The following TTLL9 variants were observed in gnomAD, a reference collection of about 807,000 sequenced individuals.
TTLL9 encodes tubulin tyrosine ligase like 9.
Under a neutral mutation model 65.6 loss-of-function variants are expected in TTLL9, and 47 were observed. The observed-to-expected ratio is 0.72, with a 90% CI of 0.57 to 0.91. TTLL9 has a LOEUF of 0.91. TTLL9 is among the 40% of genes least tolerant of loss of function. TTLL9 has a pLI of 0.00. For missense variants in TTLL9, 537 were observed against 568.8 expected, an observed-to-expected ratio of 0.94 and a Z score of 0.57; for synonymous variants, 179 against 204.8, an observed-to-expected ratio of 0.87 and a Z score of 1.07.
intron 7 of TTLL9, chr20:31,920,718 A>T (rs1035534846): frequency 6.5e-6 from 1 of 152,736 alleles, no homozygotes; most frequent in Non-Finnish European, 1.5e-5. Context: ...TCTGGCAGCC[A>T]CGTGAGTGGA....
rs116662247 is a variant in TTLL9, at chr20:31,887,431, T to C, written c.113+192T>C. 4.2e-3 allele frequency among the ~76,000 whole-genome samples: 637 copies of C among 152,354 alleles called. 6 individuals carry two copies. The highest frequency in any genetic ancestry group is 0.015 in the African/African-American group (604 of 41,580). ...GGCCTGTCACTTTACCTGTATTAGC[T>C]CATTGAATCCTGACCACAACCATTT... On this transcript the variant is annotated intron_variant, in intron 3 of 14. Transcript: ENST00000535842.
chr20:31,910,694 G>A (rs1252273159), intron 6 of TTLL9, among the ~76,000 whole-genome samples: 2 of 152,164 alleles, frequency 1.3e-5, no homozygotes, highest in Non-Finnish European at 1.5e-5. Context: ...GTTAACACAG[G>A]TAAAGCACAT....
intron 6 of TTLL9, among the ~76,000 whole-genome samples, chr20:31,911,831 CGTGTGTGTGTGTGT>C (rs55996863): frequency 0.048 from 6,761 of 142,144 alleles, 218 homozygotes; most frequent in Admixed American, 0.093. Context: ...TGTGTCTGTG[CGTGTGTGTGTGTGT>C]GTGTGTGTGT....
rs535463989 is a variant in TTLL9, at chr20:31,919,287, A to G, written c.505-577A>G. Among the ~76,000 whole-genome samples, 3 of 152,246 alleles carry G rather than the reference A, an allele frequency of 2.0e-5. No homozygotes were observed. In the South Asian group the frequency reaches 6.2e-4, roughly 32 times the overall value. ...CTTAACAAAGCTATCCTGTAACAAA[A>G]TGGGCTGTTTGGCATTGGTGGGGGA... is the stretch of plus-strand genomic sequence containing the variant. On this transcript the variant is annotated intron_variant, in intron 6 of 14. Transcript: ENST00000535842.
At chr20:31,888,407 G>A (rs1275750592) in intron 3 of TTLL9, among the ~76,000 whole-genome samples, 1 of 152,158 alleles carries the variant, frequency 6.6e-6, no homozygotes, top group Non-Finnish European at 1.5e-5. Flanking sequence ...ACAAAACAAA[G>A]AGCACTTAAC....
At chr20:31,933,513 T>G (rs1361543107) in intron 10 of TTLL9, among the ~76,000 whole-genome samples, 1 of 152,176 alleles carries the variant, frequency 6.6e-6, no homozygotes, top group African/African-American at 2.4e-5. Context: ...AGAGGCACAG[T>G]ATTTAACCTT....
intron 10 of TTLL9, among the ~76,000 whole-genome samples, chr20:31,927,261 C>T: frequency 6.6e-6 from 1 of 152,050 alleles, no homozygotes; most frequent in Non-Finnish European, 1.5e-5. Flanking sequence ...GCAGGTGGAT[C>T]ACCTGAGGCC....
intron 7 of TTLL9, 121 bp from the exon 8 acceptor site, chr20:31,922,842 T>G (rs41293118): frequency 0.077 from 56,658 of 731,084 alleles, 2,532 homozygotes; most frequent in Middle Eastern, 0.2. Context: ...ACATTAGTAC[T>G]TACCTGACAG....
At chr20:31,891,951 C>T (rs1226789050) in intron 3 of TTLL9, among the ~76,000 whole-genome samples, 1 of 151,890 alleles carries the variant, frequency 6.6e-6, no homozygotes, top group Non-Finnish European at 1.5e-5. Flanking sequence ...TACAGGCATG[C>T]ACCACCACAT....
intron 2 of TTLL9, among the ~76,000 whole-genome samples, chr20:31,873,206 C>T (rs910895331): frequency 6.6e-6 from 1 of 152,162 alleles, no homozygotes; most frequent in East Asian, 1.9e-4. Context: ...AGGCTTCCTG[C>T]CTTGAAAGTC....
intron 12 of TTLL9, among the ~76,000 whole-genome samples, chr20:31,936,687 A>T (rs2064114382): frequency 6.6e-6 from 1 of 152,098 alleles, no homozygotes; most frequent in African/African-American, 2.4e-5. Context: ...CAGTGTGCAA[A>T]TTTTCACTAA....
chr20:31,899,523 A>G (rs1416315581), intron 4 of TTLL9, among the ~76,000 whole-genome samples: 2 of 152,098 alleles, frequency 1.3e-5, no homozygotes, highest in African/African-American at 4.8e-5. Flanking sequence ...AGTCCCAGCT[A>G]CTTGGGAGGC....
intron 6 of TTLL9, among the ~76,000 whole-genome samples, chr20:31,915,458 G>GGT (rs1297733095): frequency 1.3e-5 from 2 of 152,144 alleles, no homozygotes; most frequent in Non-Finnish European, 2.9e-5. Context: ...CTCCAGCCTG[G>GGT]GTGACAGAGC....
chr20:31,896,343 A>G (rs1254794025), intron 3 of TTLL9, among the ~76,000 whole-genome samples: 2 of 152,178 alleles, frequency 1.3e-5, no homozygotes, highest in Non-Finnish European at 2.9e-5. Flanking sequence ...ACTTTCACAC[A>G]CCACTAATTA....
rs970062247 is a variant in TTLL9 at position 31,943,182 on chromosome 20, C to T, written c.*161C>T. On this transcript the variant is annotated 3_prime_UTR_variant, in exon 15 of 15. Coordinates refer to ENST00000535842, the MANE Select transcript of TTLL9 (RefSeq NM_001008409.5). ...CTGCAGCTTACTACCTGAATTGGGCCCCTTGGATACCTCCAGCCCATCCCC... is the reference window on the plus strand; with the variant it reads ...CTGCAGCTTACTACCTGAATTGGGCTCCTTGGATACCTCCAGCCCATCCCC... The T allele has an allele frequency of 1.5e-6, 1 of 673,928 alleles. No homozygotes were observed. Among genetic ancestry groups the T allele is most frequent in the Non-Finnish European group, 2.6e-6 (1 of 379,392 alleles). 41.7% of individuals were successfully genotyped at this position (673,928 alleles called of 1,614,324 possible).
chr20:31,918,616 T>C (rs957795141), intron 6 of TTLL9, among the ~76,000 whole-genome samples: 2 of 152,184 alleles, frequency 1.3e-5, no homozygotes, highest in Admixed American at 1.3e-4. Flanking sequence ...ACTCCTGAGC[T>C]TAAATAATCC....
chr20:31,927,399 TG>T, intron 10 of TTLL9, among the ~76,000 whole-genome samples: 1 of 145,520 alleles, frequency 6.9e-6, no homozygotes, highest in South Asian at 2.1e-4. Flanking sequence ...GAGAATCCCT[TG>T]AACCTGGGAG....
intron 3 of TTLL9, among the ~76,000 whole-genome samples, chr20:31,898,030 C>T (rs1467586142): frequency 6.6e-6 from 1 of 152,190 alleles, no homozygotes; most frequent in Non-Finnish European, 1.5e-5. Flanking sequence ...TCCCGTGGTC[C>T]TGAAATCTCC....
chr20:31,941,623 A>C (rs2064212339), intron 14 of TTLL9, among the ~76,000 whole-genome samples: 2 of 152,030 alleles, frequency 1.3e-5, no homozygotes, highest in African/African-American at 2.4e-5. Context: ...CAGTGGTGCA[A>C]TCATAGCTCA....
Sources: allele counts gnomAD v4.1 joint callset (sites outside exome capture counted in the v4.1 genomes callset), GRCh38; gene constraint gnomAD v4.1.1; transcripts MANE v1.5; gene names NCBI Gene and HGNC (gene_info 2026-07-23, HGNC 2026-07-21).